TRIO: variants seen among roughly 807,000 people sequenced by gnomAD.
TRIO encodes trio Rho guanine nucleotide exchange factor.
Under a neutral mutation model 351.9 loss-of-function variants are expected in TRIO, and 58 were observed. The observed-to-expected ratio is 0.16, with a 90% CI of 0.13 to 0.21. The LOEUF is 0.21. Ranked by LOEUF, TRIO falls within the 10% of genes least tolerant of loss-of-function variation. TRIO has a pLI of 1.00. For synonymous variants in TRIO, 1,758 were observed against 1,595.7 expected (o/e 1.10, Z -2.42); for missense variants, 3,201 against 4,027.8 (o/e 0.79, Z 5.56).
chr5:14,165,592 C>G (rs560559063), intron 1 of TRIO, among the ~76,000 whole-genome samples: 1 of 152,194 alleles, frequency 6.6e-6, no homozygotes, highest in South Asian at 2.1e-4. Context: ...CCTGTTGACC[C>G]TCTGTCTGTC....
chr5:14,453,720 A>C (rs939608066), intron 34 of TRIO, among the ~76,000 whole-genome samples: 1 of 152,158 alleles, frequency 6.6e-6, no homozygotes, highest in Admixed American at 6.6e-5. Flanking sequence ...TGGATCATCC[A>C]TCTGGGCCTT....
chr5:14,428,681 T>A (rs1750845633), intron 34 of TRIO, among the ~76,000 whole-genome samples: 1 of 152,232 alleles, frequency 6.6e-6, no homozygotes, highest in Non-Finnish European at 1.5e-5. Context: ...ATTAAAGTGT[T>A]TATTAAAACA....
chr5:14,143,955 G>A, intron 1 of TRIO, 73 bp downstream of exon 1: 2 of 999,968 alleles, frequency 2.0e-6, no homozygotes, highest in Non-Finnish European at 2.4e-6. Context: ...CGGAGCTGCC[G>A]AGCTCCGGCC....
chr5:14,504,290 A>C, intron 54 of TRIO, 103 bp from the exon 55 acceptor site: 1 of 1,280,930 alleles, frequency 7.8e-7, no homozygotes, highest in Non-Finnish European at 1.1e-6. Context: ...GCCTCTGGAC[A>C]GGGCTGGGCC....
intron 1 of TRIO, among the ~76,000 whole-genome samples, chr5:14,245,527 G>A (rs1233208926): frequency 6.6e-6 from 1 of 152,204 alleles, no homozygotes; most frequent in Non-Finnish European, 1.5e-5. Context: ...TGAGAGCTGT[G>A]CTTGTCATTG....
At chr5:14,363,418 G>A (rs950406218) in intron 13 of TRIO, among the ~76,000 whole-genome samples, 4 of 151,848 alleles carry the variant, frequency 2.6e-5, no homozygotes, top group African/African-American at 4.8e-5. Flanking sequence ...TTGTATATAC[G>A]GTATATTTTA....
At chr5:14,255,146 T>G (rs1290966266) in intron 1 of TRIO, among the ~76,000 whole-genome samples, 1 of 152,266 alleles carries the variant, frequency 6.6e-6, no homozygotes, top group African/African-American at 2.4e-5. Flanking sequence ...GTTGCATCCT[T>G]AAATACATAG....
intron 1 of TRIO, among the ~76,000 whole-genome samples, chr5:14,263,914 T>C (rs1479168083): frequency 1.3e-5 from 2 of 152,208 alleles, no homozygotes; most frequent in African/African-American, 4.8e-5. Flanking sequence ...CAGTTTTCTC[T>C]GTGCATAGCT....
At chr5:14,484,246 A>G (rs1233067387) in intron 46 of TRIO, among the ~76,000 whole-genome samples, 1 of 152,238 alleles carries the variant, frequency 6.6e-6, no homozygotes, top group Non-Finnish European at 1.5e-5. Context: ...TATTTTAATC[A>G]TGATATCACA....
chr5:14,221,769 G>A (rs537580758), intron 1 of TRIO, among the ~76,000 whole-genome samples: 1 of 152,272 alleles, frequency 6.6e-6, no homozygotes, highest in South Asian at 2.1e-4. Flanking sequence ...TTTTTGAGAT[G>A]GAATCTACAC....
intron 36 of TRIO, among the ~76,000 whole-genome samples, chr5:14,464,685 A>C (rs1468803812): frequency 6.6e-6 from 1 of 152,156 alleles, no homozygotes. Flanking sequence ...TGAGTGTATG[A>C]GCCTGTATCT....
intron 34 of TRIO, among the ~76,000 whole-genome samples, chr5:14,435,113 CA>C (rs1751477534): frequency 6.6e-6 from 1 of 152,094 alleles, no homozygotes; most frequent in Admixed American, 6.5e-5. Context: ...TTCCTTAGTT[CA>C]GCTAAAGACA....
At chr5:14,367,076 G>A in intron 16 of TRIO, 97 bp downstream of exon 16, 6 of 1,529,432 alleles carry the variant, frequency 3.9e-6, no homozygotes, top group Non-Finnish European at 5.3e-6. Context: ...GAACCACATG[G>A]GGCTGGCTTG....
chr5:14,476,109 A>G (rs1755055571), intron 40 of TRIO, among the ~76,000 whole-genome samples: 2 of 152,258 alleles, frequency 1.3e-5, no homozygotes, highest in Non-Finnish European at 2.9e-5. Context: ...TAAAGCTGGC[A>G]CAGGTAACAT....
chr5:14,343,991 G>A (rs1282902182), intron 11 of TRIO, among the ~76,000 whole-genome samples: 2 of 152,226 alleles, frequency 1.3e-5, no homozygotes, highest in African/African-American at 4.8e-5. Context: ...TTTTAGAGTA[G>A]AAAGTTCAGT....
chr5:14,410,758 G>T (rs993987389), intron 33 of TRIO, among the ~76,000 whole-genome samples: 1 of 152,288 alleles, frequency 6.6e-6, no homozygotes, highest in Non-Finnish European at 1.5e-5. Flanking sequence ...GGCACACAAG[G>T]TTTAGGGAGA....
At chr5:14,407,315 G>A (rs113729822) in intron 33 of TRIO, among the ~76,000 whole-genome samples, 29 of 152,334 alleles carry the variant, frequency 1.9e-4, no homozygotes, top group African/African-American at 6.7e-4. Flanking sequence ...TATCTGCACA[G>A]TCCACATGAG....
chr5:14,448,712 C>G (rs1385699351), intron 34 of TRIO, among the ~76,000 whole-genome samples: 2 of 152,156 alleles, frequency 1.3e-5, no homozygotes, highest in African/African-American at 4.8e-5. Flanking sequence ...CTTCAGCTGG[C>G]AGGATGTGTG....
intron 5 of TRIO, 22 bp downstream of exon 5, chr5:14,291,250 G>A (rs1463984729): frequency 1.9e-6 from 3 of 1,600,564 alleles, no homozygotes; most frequent in Non-Finnish European, 2.6e-6. Context: ...GGAGGCTAAT[G>A]CCTCAGTGGA....
Sources: gnomAD v4.1 joint callset for allele counts (sites outside exome capture counted in the v4.1 genomes callset) on GRCh38, gnomAD v4.1.1 for gene constraint, MANE v1.5 for transcripts, NCBI Gene and HGNC (gene_info 2026-07-23, HGNC 2026-07-21) for gene names.